Variants in GRIN2A observed in about 807,000 individuals in gnomAD.
GRIN2A encodes the protein glutamate ionotropic receptor NMDA type subunit 2A, also known as glutamate receptor ionotropic, NMDA 2A.
GRIN2A carries 22 observed loss-of-function variants against 113.4 expected under a neutral mutation model. The observed-to-expected ratio is 0.19, with a 90% CI of 0.14 to 0.28. GRIN2A has a LOEUF of 0.28. Ranked by LOEUF, GRIN2A falls within the 10% of genes least tolerant of loss-of-function variation. The pLI, the probability that GRIN2A is intolerant of heterozygous loss-of-function variation, is 1.00. For missense variants in GRIN2A, 1,502 were observed against 1,887.0 expected, an observed-to-expected ratio of 0.80 and a Z score of 3.78; for synonymous variants, 827 against 738.4, an observed-to-expected ratio of 1.12 and a Z score of -1.94.
rs1313101919 is a variant in GRIN2A at position 10,019,425 on chromosome 16, G to A, written c.415-80874C>T. Reference sequence around the variant, plus strand: ...AATAAATGGAAGATATTGTCACAAGGATAGCAAGGAGGAAATGTTTAATCT... The same window carrying A: ...AATAAATGGAAGATATTGTCACAAGAATAGCAAGGAGGAAATGTTTAATCT... On this transcript the variant is annotated intron_variant, in intron 2 of 12. Transcript: ENST00000330684. Among the ~76,000 whole-genome samples the A allele has an allele frequency of 2.0e-5, 3 of 152,226 alleles. No individual in the cohort carries two copies. In the East Asian group the frequency reaches 5.8e-4, roughly 29 times the overall value.
At chr16:10,071,814 G>A (rs754076615) in intron 2 of GRIN2A, among the ~76,000 whole-genome samples, 8 of 152,170 alleles carry the variant, frequency 5.3e-5, no homozygotes, top group Non-Finnish European at 7.3e-5. Flanking sequence ...GACGGGAGCC[G>A]ACACCAGGCA....
In GRIN2A at chr16:10,091,526, A is replaced by G. The variant is rs1271684648; in HGVS notation, c.414+88472T>C. On this transcript the variant is annotated intron_variant, in intron 2 of 12. Coordinates refer to ENST00000330684, the MANE Select transcript of GRIN2A (RefSeq NM_001134407.3). ...AAATTAGCTGGGTGTGGTAGTGTAT[A>G]CCTGTAGTCCCAGCTACTCGTGAGG... 3.3e-5 allele frequency among the ~76,000 whole-genome samples: 5 copies of G among 152,118 alleles called. No homozygotes were observed. In the East Asian group the frequency reaches 9.7e-4, roughly 29 times the overall value.
intron 2 of GRIN2A, among the ~76,000 whole-genome samples, chr16:10,131,871 G>T (rs1456489849): frequency 6.6e-6 from 1 of 152,070 alleles, no homozygotes; most frequent in South Asian, 2.1e-4. Context: ...TTATTAGCAT[G>T]TTATTATTGT....
intron 3 of GRIN2A, among the ~76,000 whole-genome samples, chr16:9,897,502 G>A (rs1046014293): frequency 1.3e-5 from 2 of 152,108 alleles, no homozygotes; most frequent in Non-Finnish European, 2.9e-5. Context: ...ACCACGTGTA[G>A]CTATTGAGCA....
chr16:10,056,304 C>G (rs35096728), intron 2 of GRIN2A, among the ~76,000 whole-genome samples: 80,347 of 151,962 alleles, frequency 0.53, 22,323 homozygotes, highest in East Asian at 0.92. Flanking sequence ...CACCCTTGAT[C>G]CATTCAACCC....
chr16:9,781,862 A>G (rs1168823194), intron 11 of GRIN2A, among the ~76,000 whole-genome samples: 1 of 152,228 alleles, frequency 6.6e-6, no homozygotes. Flanking sequence ...AAATAATGTA[A>G]TGGTTTCTGG....
At chr16:9,940,283 G>A (rs542745961) in intron 2 of GRIN2A, among the ~76,000 whole-genome samples, 1 of 152,238 alleles carries the variant, frequency 6.6e-6, no homozygotes, top group East Asian at 1.9e-4. Context: ...AGTGAAGCAT[G>A]GCCTGAAGGC....
chr16:10,149,970 T>C (rs2049533778), intron 2 of GRIN2A, among the ~76,000 whole-genome samples: 2 of 152,210 alleles, frequency 1.3e-5, no homozygotes, highest in Non-Finnish European at 2.9e-5. Context: ...AGAGGCTCCA[T>C]TTCTACCACA....
At chr16:10,083,667 C>T (rs1447286275) in intron 2 of GRIN2A, among the ~76,000 whole-genome samples, 6 of 152,166 alleles carry the variant, frequency 3.9e-5, no homozygotes, top group Non-Finnish European at 7.4e-5. Flanking sequence ...TACTCTCCTA[C>T]CTGACGAATT....
chr16:9,988,440 G>C (rs936528683), intron 2 of GRIN2A, among the ~76,000 whole-genome samples: 1 of 152,004 alleles, frequency 6.6e-6, no homozygotes, highest in Non-Finnish European at 1.5e-5. Flanking sequence ...CAAGCTTCAA[G>C]ATACAGAACA....
At chr16:10,087,846 C>T (rs1248967074) in intron 2 of GRIN2A, among the ~76,000 whole-genome samples, 4 of 132,908 alleles carry the variant, frequency 3.0e-5, no homozygotes, top group Non-Finnish European at 6.3e-5. Context: ...ACCACCATGC[C>T]CAGCTAATTT....
intron 4 of GRIN2A, among the ~76,000 whole-genome samples, chr16:9,855,679 G>C (rs191438017): frequency 6.6e-6 from 1 of 152,166 alleles, no homozygotes; most frequent in Non-Finnish European, 1.5e-5. Flanking sequence ...AATTAGAAGA[G>C]GGGCAAAGGT....
chr16:9,946,395 ATAAACT>A (rs2045018621), intron 2 of GRIN2A, among the ~76,000 whole-genome samples: 1 of 152,204 alleles, frequency 6.6e-6, no homozygotes, highest in African/African-American at 2.4e-5. Flanking sequence ...TGAGGAGCTG[ATAAACT>A]TAAGCACAAG....
chr16:9,935,512 TCACACACACACACACA>T lies in GRIN2A; in HGVS notation c.1007+2431_1007+2446del, dbSNP rs71157793. On this transcript the variant is annotated intron_variant, in intron 3 of 12. Coordinates refer to ENST00000330684, the MANE Select transcript of GRIN2A (RefSeq NM_001134407.3). ...TAAGAAGTATATTCTGTCTACTTCA[TCACACACACACACACA>T]CACACACACACACACACACACACAC... 2.0e-4 allele frequency among the ~76,000 whole-genome samples: 27 copies of T among 132,902 alleles called. 1 individual carries two copies. The highest frequency in any genetic ancestry group is 8.1e-4 in the South Asian group (3 of 3,718). 87.2% of individuals were successfully genotyped at this position (132,902 alleles called of 152,430 possible).
chr16:9,925,086 CT>C (rs1212166872), intron 3 of GRIN2A, among the ~76,000 whole-genome samples: 2 of 152,104 alleles, frequency 1.3e-5, no homozygotes, highest in Non-Finnish European at 2.9e-5. Context: ...TAAATTTTAA[CT>C]TTTTTCGTGC....
intron 2 of GRIN2A, among the ~76,000 whole-genome samples, chr16:10,059,430 C>A (rs760510946): frequency 4.6e-5 from 7 of 151,974 alleles, no homozygotes; most frequent in African/African-American, 1.7e-4. Context: ...GAGGCATCTA[C>A]GGGTACAGAA....
chr16:10,064,846 T>C (rs759533161), intron 2 of GRIN2A, among the ~76,000 whole-genome samples: 50 of 152,204 alleles, frequency 3.3e-4, no homozygotes, highest in Admixed American at 2.2e-3. Flanking sequence ...CAGGGCAAGA[T>C]TGATATTCAG....
At chr16:10,181,297 C>A (rs2050267514) in intron 1 of GRIN2A, among the ~76,000 whole-genome samples, 1 of 152,346 alleles carries the variant, frequency 6.6e-6, no homozygotes. Context: ...CGTCCCCCCG[C>A]GGGCCAGCGC....
At chr16:9,841,366 G>T (rs1463019701) in intron 5 of GRIN2A, among the ~76,000 whole-genome samples, 1 of 152,120 alleles carries the variant, frequency 6.6e-6, no homozygotes, top group Non-Finnish European at 1.5e-5. Context: ...ACTAATTGTT[G>T]AATTAATCTT....
Sources: allele counts gnomAD v4.1 joint callset (sites outside exome capture counted in the v4.1 genomes callset), GRCh38; gene constraint gnomAD v4.1.1; transcripts MANE v1.5; gene names NCBI Gene and HGNC (gene_info 2026-07-23, HGNC 2026-07-21).